DTNA: variants seen among roughly 807,000 people sequenced by gnomAD.
DTNA encodes dystrophin-related protein 3.
In DTNA, 43 loss-of-function variants were observed where a neutral mutation model predicts 100.7. The ratio of observed to expected loss-of-function variants is 0.43; its 90% CI spans 0.33 to 0.55. DTNA has a LOEUF of 0.55. DTNA is among the 20% of genes least tolerant of loss of function. DTNA has a pLI of 0.04. For synonymous variants in DTNA, 349 were observed against 347.9 expected (o/e 1.00, Z -0.04); for missense variants, 798 against 953.9 (o/e 0.84, Z 2.15).
Position 34,820,208 on chromosome 18 carries a change from C to A in DTNA, c.877-583C>A, listed in dbSNP as rs903153985. On this transcript the variant is annotated intron_variant, in intron 8 of 22. Transcript: ENST00000444659. ...TCTAACTGGATGTGTTCAGCCACAC[C>A]TGAAACATCTTTCTTGCACCTGGAT... 1.3e-5 allele frequency among the ~76,000 whole-genome samples: 2 copies of A among 152,044 alleles called. 1 individual carries two copies. Among genetic ancestry groups the A allele is most frequent in the Admixed American group, 1.3e-4 (2 of 15,262 alleles).
At chr18:34,868,261 A>G in intron 17 of DTNA, 1 of 240,338 alleles carries the variant, frequency 4.2e-6, no homozygotes, top group Non-Finnish European at 6.7e-6. Flanking sequence ...GAAAGTCTTC[A>G]CTGGGAGCTT....
intron 1 of DTNA, among the ~76,000 whole-genome samples, chr18:34,724,949 A>G (rs1478649527): frequency 2.6e-5 from 4 of 152,218 alleles, no homozygotes; most frequent in Non-Finnish European, 4.4e-5. Flanking sequence ...CCACACATCT[A>G]CAACCATCGG....
chr18:34,786,027 C>G (rs779903865), intron 3 of DTNA, among the ~76,000 whole-genome samples: 8 of 152,212 alleles, frequency 5.3e-5, no homozygotes, highest in African/African-American at 1.2e-4. Flanking sequence ...GTTCCTCTCC[C>G]TACCTCCTCA....
intron 12 of DTNA, 58 bp from the exon 13 acceptor site, chr18:34,838,687 A>G: frequency 1.4e-6 from 2 of 1,455,072 alleles, no homozygotes; most frequent in Non-Finnish European, 1.9e-6. Flanking sequence ...TACCTCCTCT[A>G]CTTATTTCTG....
At chr18:34,766,074 T>C in intron 3 of DTNA, 33 bp downstream of exon 3, 1 of 1,602,648 alleles carries the variant, frequency 6.2e-7, no homozygotes, top group Admixed American at 1.7e-5. Flanking sequence ...CTAATTACCA[T>C]CATGAATCCT....
intron 1 of DTNA, among the ~76,000 whole-genome samples, chr18:34,586,422 T>C (rs1416308712): frequency 6.6e-6 from 1 of 152,060 alleles, no homozygotes; most frequent in Non-Finnish European, 1.5e-5. Flanking sequence ...TGTTTTTTTT[T>C]GCATGGGCCA....
chr18:34,788,959 C>T (rs114213788), intron 3 of DTNA, among the ~76,000 whole-genome samples: 171 of 152,260 alleles, frequency 1.1e-3, no homozygotes, highest in African/African-American at 3.7e-3. Context: ...TGTAAATACA[C>T]GTTCTCTTTT....
intron 5 of DTNA, among the ~76,000 whole-genome samples, chr18:34,808,950 C>A (rs577454043): frequency 2.1e-4 from 32 of 152,258 alleles, no homozygotes; most frequent in African/African-American, 7.7e-4. Flanking sequence ...CTGAATCACA[C>A]CCTTATGTGT....
At chr18:34,654,391 C>G (rs1162585280) in intron 1 of DTNA, among the ~76,000 whole-genome samples, 1 of 152,168 alleles carries the variant, frequency 6.6e-6, no homozygotes, top group Non-Finnish European at 1.5e-5. Context: ...TAAATCAAAA[C>G]TCAAGATTTC....
chr18:34,562,242 T>G (rs1313311678), intron 1 of DTNA, among the ~76,000 whole-genome samples: 2 of 152,204 alleles, frequency 1.3e-5, no homozygotes, highest in African/African-American at 4.8e-5. Flanking sequence ...ACATACATCT[T>G]TAAATAAATT....
At chr18:34,730,810 T>C (rs969248525) in intron 1 of DTNA, among the ~76,000 whole-genome samples, 2 of 152,216 alleles carry the variant, frequency 1.3e-5, no homozygotes, top group Non-Finnish European at 1.5e-5. Context: ...AGTGAAACTC[T>C]GTCCCCTCAC....
At chr18:34,725,713 G>A (rs574534219) in intron 1 of DTNA, among the ~76,000 whole-genome samples, 8 of 152,236 alleles carry the variant, frequency 5.3e-5, no homozygotes, top group African/African-American at 1.7e-4. Flanking sequence ...ATCTAGAACT[G>A]GAAATACCCT....
At chr18:34,824,337 G>T (rs891868399) in intron 9 of DTNA, among the ~76,000 whole-genome samples, 1 of 152,128 alleles carries the variant, frequency 6.6e-6, no homozygotes, top group African/African-American at 2.4e-5. Context: ...ATAGCCGGGC[G>T]TGGTGGTGGG....
intron 5 of DTNA, among the ~76,000 whole-genome samples, chr18:34,807,664 C>G (rs1402511134): frequency 6.6e-6 from 1 of 152,124 alleles, no homozygotes; most frequent in Non-Finnish European, 1.5e-5. Flanking sequence ...TCCCTCACTT[C>G]TGGGACTTCC....
rs765693105 is a variant in DTNA at position 34,851,927 on chromosome 18, A to G, written c.1531A>G (p.Arg511Gly). 1 of 1,613,764 alleles carries G rather than the reference A, an allele frequency of 6.2e-7. No homozygotes were observed. Among genetic ancestry groups the G allele is most frequent in the Non-Finnish European group, 8.5e-7 (1 of 1,179,716 alleles). The change falls in exon 15 of 23, where the codon AGA becomes GGA. Residue 511 changes from arginine to glycine, a missense_variant and splice_region_variant. Transcript: ENST00000444659. Reference protein sequence around the residue: ...QLIAELENKNREILQEIQRLR... With the variant: ...QLIAELENKNGEILQEIQRLR... Reference sequence around the variant, plus strand: ...GATTGCTGAGCTAGAAAACAAGAACAGGTGAGACTTTGTAGACGTGCTGGC... The same window carrying G: ...GATTGCTGAGCTAGAAAACAAGAACGGGTGAGACTTTGTAGACGTGCTGGC...
intron 16 of DTNA, among the ~76,000 whole-genome samples, chr18:34,861,008 A>AT (rs1236053390): frequency 2.6e-5 from 4 of 152,024 alleles, no homozygotes; most frequent in Admixed American, 2.6e-4. Context: ...ATAAGGAGAA[A>AT]TTTTTTCTTA....
At chr18:34,508,362 T>C (rs1255555543) in intron 1 of DTNA, among the ~76,000 whole-genome samples, 1 of 152,150 alleles carries the variant, frequency 6.6e-6, no homozygotes, top group Admixed American at 6.6e-5. Flanking sequence ...CATTACTACA[T>C]CAGCTCTACC....
chr18:34,852,820 C>T (rs2096497627), intron 15 of DTNA, among the ~76,000 whole-genome samples: 1 of 152,188 alleles, frequency 6.6e-6, no homozygotes, highest in Admixed American at 6.5e-5. Flanking sequence ...CCTAAAAGAC[C>T]ACCTGTCTGA....
chr18:34,648,541 C>T (rs997200822), intron 1 of DTNA, among the ~76,000 whole-genome samples: 1 of 152,160 alleles, frequency 6.6e-6, no homozygotes, highest in Admixed American at 6.5e-5. Context: ...TGGGTAAATA[C>T]AGCAATAAAG....
Sources: allele counts gnomAD v4.1 joint callset (sites outside exome capture counted in the v4.1 genomes callset), GRCh38; gene constraint gnomAD v4.1.1; transcripts MANE v1.5; gene names NCBI Gene and HGNC (gene_info 2026-07-23, HGNC 2026-07-21).